Variants in LRRTM4 observed in about 807,000 individuals in gnomAD.
The protein encoded by LRRTM4 is leucine-rich repeat transmembrane neuronal protein 4.
A neutral mutation model predicts 47.6 loss-of-function variants in LRRTM4; 25 were observed. The observed-to-expected ratio is 0.53, with a 90% CI of 0.38 to 0.73. The LOEUF is 0.73. LRRTM4 is among the 30% of genes least tolerant of loss of function. The pLI, the probability that LRRTM4 is intolerant of heterozygous loss-of-function variation, is 0.00. For missense variants in LRRTM4, 638 were observed against 713.4 expected (o/e 0.89, Z 1.20); for synonymous variants, 311 against 269.5 (o/e 1.15, Z -1.51).
intron 3 of LRRTM4, among the ~76,000 whole-genome samples, chr2:76,980,767 T>G (rs1676579044): frequency 6.6e-6 from 1 of 152,078 alleles, no homozygotes; most frequent in South Asian, 2.1e-4. Context: ...GAAACTTAGA[T>G]GTCAAGAAAT....
chr2:77,277,053 G>A (rs1266352335), intron 3 of LRRTM4, among the ~76,000 whole-genome samples: 1 of 151,720 alleles, frequency 6.6e-6, no homozygotes, highest in Non-Finnish European at 1.5e-5. Context: ...CACTAGGTAA[G>A]GTCAGTGACT....
intron 3 of LRRTM4, among the ~76,000 whole-genome samples, chr2:76,928,908 T>A (rs1310311503): frequency 6.6e-6 from 1 of 152,158 alleles, no homozygotes; most frequent in Non-Finnish European, 1.5e-5. Flanking sequence ...TGTTTCTATG[T>A]TACTCTATTT....
At chr2:77,033,867 A>G (rs1034108688) in intron 3 of LRRTM4, among the ~76,000 whole-genome samples, 1 of 151,922 alleles carries the variant, frequency 6.6e-6, no homozygotes, top group Admixed American at 6.6e-5. Context: ...AATGTTAAAT[A>G]AAGACTTACA....
intron 3 of LRRTM4, among the ~76,000 whole-genome samples, chr2:77,048,555 T>C (rs185099293): frequency 2.9e-3 from 440 of 152,154 alleles, no homozygotes; most frequent in African/African-American, 0.01. Context: ...TTCTATTGAC[T>C]TGAATTTTTA....
intron 3 of LRRTM4, among the ~76,000 whole-genome samples, chr2:77,015,324 CTTTATTTA>C (rs373406597): frequency 2.0e-5 from 3 of 151,986 alleles, no homozygotes; most frequent in African/African-American, 7.2e-5. Context: ...GGAAGTTGTA[CTTTATTTA>C]TTTATTTATT....
intron 3 of LRRTM4, among the ~76,000 whole-genome samples, chr2:77,293,519 G>A (rs985172341): frequency 6.6e-6 from 1 of 152,064 alleles, no homozygotes; most frequent in African/African-American, 2.4e-5. Flanking sequence ...TATTATTATT[G>A]ACATTCTCTT....
intron 3 of LRRTM4, among the ~76,000 whole-genome samples, chr2:76,756,513 G>T (rs1306513582): frequency 1.3e-5 from 2 of 152,132 alleles, no homozygotes; most frequent in African/African-American, 4.8e-5. Context: ...CAATTTAAAA[G>T]AGTTTGATTT....
chr2:76,847,710 ACACT>A (rs150294456), intron 3 of LRRTM4, among the ~76,000 whole-genome samples: 10,122 of 152,132 alleles, frequency 0.067, 766 homozygotes, highest in African/African-American at 0.18. Context: ...CATTCCATAG[ACACT>A]CACTTTTATT....
At chr2:77,062,579 A>C (rs866800297) in intron 3 of LRRTM4, among the ~76,000 whole-genome samples, 1 of 152,182 alleles carries the variant, frequency 6.6e-6, no homozygotes, top group Middle Eastern at 3.2e-3. Context: ...CTGCCTACTC[A>C]ATATGCATAG....
intron 3 of LRRTM4, among the ~76,000 whole-genome samples, chr2:76,780,082 T>A (rs936620951): frequency 6.6e-6 from 1 of 152,230 alleles, no homozygotes; most frequent in African/African-American, 2.4e-5. Flanking sequence ...GAATGTTGAA[T>A]ATTGGCCCCC....
chr2:76,883,946 G>A lies in LRRTM4; in HGVS notation c.1552-135030C>T, dbSNP rs575946561. On this transcript the variant is annotated intron_variant, in intron 3 of 3. Coordinates refer to ENST00000409884, the MANE Select transcript of LRRTM4 (RefSeq NM_001134745.3). ...TGATACTCCTGCCTCAGCCTCCCTGGAAGCTTAACTACAGGTGCACACCAC... is the reference window on the plus strand; with the variant it reads ...TGATACTCCTGCCTCAGCCTCCCTGAAAGCTTAACTACAGGTGCACACCAC... 1.6e-4 allele frequency among the ~76,000 whole-genome samples: 25 copies of A among 151,654 alleles called. 1 individual carries two copies. The South Asian group carries it at 5.0e-3, about 30-fold the overall frequency.
chr2:77,455,227 A>C (rs1009179004), intron 3 of LRRTM4, among the ~76,000 whole-genome samples: 3 of 152,178 alleles, frequency 2.0e-5, no homozygotes, highest in African/African-American at 7.2e-5. Flanking sequence ...AAAGTGTTTA[A>C]ATTTCATGCA....
intron 3 of LRRTM4, among the ~76,000 whole-genome samples, chr2:76,757,944 G>T (rs1038936163): frequency 3.3e-5 from 5 of 152,056 alleles, no homozygotes; most frequent in African/African-American, 1.2e-4. Flanking sequence ...ATTTGAAAAA[G>T]GAAATGAAAG....
rs1673898935 is a variant in LRRTM4 at position 76,907,739 on chromosome 2, C to A, written c.1552-158823G>T. On this transcript the variant is annotated intron_variant, in intron 3 of 3. Transcript: ENST00000409884. ...CCTCTACGCAAATAAACTAGAAAAT[C>A]TAGAAGAAATGGATAAATTCCTCGA... Among the ~76,000 whole-genome samples, 3 of 122,574 alleles carry A rather than the reference C, an allele frequency of 2.4e-5. 1 individual carries two copies. The highest frequency in any genetic ancestry group is 4.9e-5 in the Non-Finnish European group (3 of 61,560). The allele number at this position is 122,574 out of a possible 152,430, so 80.4% of individuals were successfully genotyped here. A position where few individuals can be genotyped will look rare whatever the true frequency, so the allele number is the denominator to read the frequency against.
At chr2:76,998,835 G>A (rs1409934372) in intron 3 of LRRTM4, among the ~76,000 whole-genome samples, 1 of 148,656 alleles carries the variant, frequency 6.7e-6, no homozygotes, top group Non-Finnish European at 1.5e-5. Context: ...CTGACTTATA[G>A]CCCCTTTGTG....
At chr2:77,075,520 A>T (rs2103840288) in intron 3 of LRRTM4, among the ~76,000 whole-genome samples, 1 of 152,328 alleles carries the variant, frequency 6.6e-6, no homozygotes, top group East Asian at 1.9e-4. Context: ...TCCCTTTTGT[A>T]AACTTGGCAT....
At chr2:76,858,072 G>A (rs555393370) in intron 3 of LRRTM4, among the ~76,000 whole-genome samples, 102 of 152,188 alleles carry the variant, frequency 6.7e-4, no homozygotes, top group Non-Finnish European at 1.3e-3. Context: ...AAAAGAAAAT[G>A]GGCAATAGAT....
intron 3 of LRRTM4, among the ~76,000 whole-genome samples, chr2:77,155,419 G>C (rs1672534909): frequency 6.6e-6 from 1 of 151,768 alleles, no homozygotes; most frequent in Non-Finnish European, 1.5e-5. Flanking sequence ...AATCCAGTCT[G>C]CATTTATATC....
intron 3 of LRRTM4, among the ~76,000 whole-genome samples, chr2:76,854,703 G>A (rs1450394090): frequency 6.6e-6 from 1 of 152,064 alleles, no homozygotes; most frequent in East Asian, 1.9e-4. Flanking sequence ...TAACTTAGAT[G>A]TCGCTACTTA....
Sources: allele counts gnomAD v4.1 joint callset (sites outside exome capture counted in the v4.1 genomes callset), GRCh38; gene constraint gnomAD v4.1.1; transcripts MANE v1.5; gene names NCBI Gene and HGNC (gene_info 2026-07-23, HGNC 2026-07-21).